SCAND3: variants seen among roughly 807,000 people sequenced by gnomAD.
SCAND3 encodes the protein SCAN domain-containing protein 3.
the SCAND3 span, among the ~76,000 whole-genome samples, chr6:28,595,586 G>T: frequency 2.0e-5 from 3 of 152,026 alleles, no homozygotes; most frequent in African/African-American, 7.2e-5. Context: ...GCTGGGCTTG[G>T]TGGCACGTGC....
chr6:28,576,768 C>CTT, the SCAND3 span, among the ~76,000 whole-genome samples: 3 of 141,180 alleles, frequency 2.1e-5, no homozygotes, highest in African/African-American at 5.2e-5. Flanking sequence ...TATGCAAAGA[C>CTT]TTTTTTTTTT....
At chr6:28,588,092 A>G in the SCAND3 span, 2 of 152,172 alleles carry the variant, frequency 1.3e-5, no homozygotes, top group African/African-American at 4.8e-5. The surrounding 1 kb of genome is among the most constrained non-coding windows in gnomAD (Gnocchi z 4.1). Context: ...GAGTCTTTGA[A>G]TAATCAGAAC....
chr6:28,583,007 G>A, the SCAND3 span, among the ~76,000 whole-genome samples: 1 of 152,136 alleles, frequency 6.6e-6, no homozygotes, highest in Non-Finnish European at 1.5e-5. Flanking sequence ...CTTACTTTAA[G>A]TATAGGATTT....
chr6:28,571,867 T>C, the SCAND3 span: 17 of 1,592,394 alleles, frequency 1.1e-5, no homozygotes, highest in African/African-American at 5.4e-5. Flanking sequence ...AATGCTTATA[T>C]GCATACTTTG....
At chr6:28,592,766 T>C in the SCAND3 span, among the ~76,000 whole-genome samples, 1 of 152,190 alleles carries the variant, frequency 6.6e-6, no homozygotes, top group Non-Finnish European at 1.5e-5. This position sits in a 1 kb window ranked among gnomAD's most constrained non-coding sequence, Gnocchi z 4.1. Context: ...AATAAACCCA[T>C]GTATTTATTG....
At chr6:28,572,037 TA>T in the SCAND3 span, 1 of 1,614,074 alleles carries the variant, frequency 6.2e-7, no homozygotes. This position sits in a 1 kb window ranked among gnomAD's most constrained non-coding sequence, Gnocchi z 4.1. Context: ...TAATAACACT[TA>T]AAGTAGAGAA....
chr6:28,597,251 T>TA, the SCAND3 span, among the ~76,000 whole-genome samples: 8 of 152,236 alleles, frequency 5.3e-5, no homozygotes, highest in African/African-American at 9.6e-5. Context: ...TTACTTGGTT[T>TA]CTTGGCAAAT....
At chr6:28,612,895 G>A in the SCAND3 span, among the ~76,000 whole-genome samples, 6 of 152,086 alleles carry the variant, frequency 3.9e-5, no homozygotes, top group South Asian at 2.1e-4. Flanking sequence ...CTTAGCTGAT[G>A]TTATCATTTC....
At chr6:28,615,113 C>T in the SCAND3 span, among the ~76,000 whole-genome samples, 1 of 152,198 alleles carries the variant, frequency 6.6e-6, no homozygotes, top group Non-Finnish European at 1.5e-5. Context: ...TCACCGTAAG[C>T]ACACTGGTGG....
the SCAND3 span, among the ~76,000 whole-genome samples, chr6:28,578,723 G>C: frequency 6.6e-6 from 1 of 152,080 alleles, no homozygotes; most frequent in South Asian, 2.1e-4. Context: ...AAATTGTTAG[G>C]GCTATAAGAG....
the SCAND3 span, among the ~76,000 whole-genome samples, chr6:28,615,296 A>G: frequency 6.6e-6 from 1 of 152,200 alleles, no homozygotes; most frequent in Non-Finnish European, 1.5e-5. Context: ...TTTAACACGT[A>G]TTAGACACTT....
the SCAND3 span, among the ~76,000 whole-genome samples, chr6:28,598,636 G>A: frequency 5.6e-4 from 85 of 151,604 alleles, no homozygotes; most frequent in African/African-American, 2.0e-3. Flanking sequence ...CTTGAGGTCA[G>A]GAGTTCGAGA....
chr6:28,595,644 C>T, the SCAND3 span, among the ~76,000 whole-genome samples: 25 of 152,050 alleles, frequency 1.6e-4, no homozygotes, highest in South Asian at 1.7e-3. Context: ...ATCGCATGAA[C>T]CCAGGAGGTG....
chr6:28,572,393 C>A, the SCAND3 span: 1 of 1,613,132 alleles, frequency 6.2e-7, no homozygotes, highest in Admixed American at 1.7e-5. The surrounding 1 kb of genome is among the most constrained non-coding windows in gnomAD (Gnocchi z 4.1). Context: ...AGATCATTAC[C>A]TACTTCATTG....
At chr6:28,572,987 C>T in the SCAND3 span, 7 of 1,613,624 alleles carry the variant, frequency 4.3e-6, no homozygotes, top group African/African-American at 9.3e-5. This position sits in a 1 kb window ranked among gnomAD's most constrained non-coding sequence, Gnocchi z 4.1. Context: ...TCAGAACATA[C>T]TCCTACACAA....
At chr6:28,613,279 G>C in the SCAND3 span, among the ~76,000 whole-genome samples, 1 of 152,164 alleles carries the variant, frequency 6.6e-6, no homozygotes, top group Admixed American at 6.5e-5. Context: ...AGAGCACACT[G>C]TTCAGAGAGG....
the SCAND3 span, chr6:28,574,911 T>C: frequency 6.2e-7 from 1 of 1,614,008 alleles, no homozygotes; most frequent in Non-Finnish European, 8.5e-7. Flanking sequence ...ATAAAAATCT[T>C]AGTCTGCTCT....
chr6:28,606,569 G>C, the SCAND3 span, among the ~76,000 whole-genome samples: 1 of 152,128 alleles, frequency 6.6e-6, no homozygotes, highest in Non-Finnish European at 1.5e-5. Flanking sequence ...GGGACCCTCA[G>C]AGTTTTGTCG....
At chr6:28,574,658 T>C in the SCAND3 span, 1 of 1,613,264 alleles carries the variant, frequency 6.2e-7, no homozygotes, top group African/African-American at 1.3e-5. Context: ...TCTCCTACTT[T>C]GTCTGGTGAA....
Sources: allele counts gnomAD v4.1 joint callset (sites outside exome capture counted in the v4.1 genomes callset), GRCh38; gene constraint gnomAD v4.1.1; non-coding constraint Gnocchi (gnomAD v3.1); transcripts MANE v1.5; gene names NCBI Gene and HGNC (gene_info 2026-07-23, HGNC 2026-07-21).